Variants in NKAIN2 observed in about 807,000 individuals in gnomAD.
The protein encoded by NKAIN2 is sodium/potassium transporting ATPase interacting 2.
A neutral mutation model predicts 32.6 loss-of-function variants in NKAIN2; 14 were observed. That is an observed-to-expected ratio of 0.43 (90% CI 0.28 to 0.67). NKAIN2 has a LOEUF of 0.67. Among genes scored for constraint, NKAIN2 ranks in the 30% least tolerant of loss-of-function variants. The pLI is 0.17. For missense variants in NKAIN2, 198 were observed against 258.3 expected (o/e 0.77, Z 1.60); for synonymous variants, 80 against 87.2 (o/e 0.92, Z 0.46).
At chr6:124,151,811 G>T (rs1040258833) in intron 1 of NKAIN2, among the ~76,000 whole-genome samples, 4 of 151,850 alleles carry the variant, frequency 2.6e-5, no homozygotes, top group Admixed American at 6.6e-5. Flanking sequence ...TGAAGTACTT[G>T]TACAAAATTT....
chr6:124,667,816 A>G (rs183961686), intron 4 of NKAIN2, among the ~76,000 whole-genome samples: 62 of 152,252 alleles, frequency 4.1e-4, no homozygotes, highest in African/African-American at 1.5e-3. Context: ...AAAAGAATTT[A>G]AAATATGGGC....
chr6:124,469,473 ACT>A (rs767235457), intron 3 of NKAIN2, among the ~76,000 whole-genome samples: 4 of 152,076 alleles, frequency 2.6e-5, no homozygotes, highest in Non-Finnish European at 5.9e-5. Flanking sequence ...AATGAAAAAT[ACT>A]CTCTCTGTTT....
intron 4 of NKAIN2, among the ~76,000 whole-genome samples, chr6:124,757,037 A>C (rs1337871): frequency 0.6 from 90,471 of 151,842 alleles, 28,203 homozygotes; most frequent in Non-Finnish European, 0.71. Flanking sequence ...CTGTAGGAAG[A>C]AAGTTTTAGT....
chr6:124,672,436 T>G (rs1773153420), intron 4 of NKAIN2, among the ~76,000 whole-genome samples: 1 of 152,116 alleles, frequency 6.6e-6, no homozygotes, highest in Non-Finnish European at 1.5e-5. Flanking sequence ...TTTGGAATCT[T>G]TGTCCATCAG....
At chr6:124,253,831 C>CTTTT (rs774924597) in intron 1 of NKAIN2, among the ~76,000 whole-genome samples, 1 of 134,142 alleles carries the variant, frequency 7.5e-6, no homozygotes, top group East Asian at 2.2e-4. Flanking sequence ...CAATGTTCTA[C>CTTTT]TTTTTTTTTT....
chr6:124,052,896 A>G (rs952746634), intron 1 of NKAIN2, among the ~76,000 whole-genome samples: 3 of 151,992 alleles, frequency 2.0e-5, no homozygotes, highest in Admixed American at 1.3e-4. Flanking sequence ...TGTAGGAAAT[A>G]GAAAAGGATA....
At chr6:123,917,089 T>C (rs373337647) in intron 1 of NKAIN2, among the ~76,000 whole-genome samples, 1 of 152,194 alleles carries the variant, frequency 6.6e-6, no homozygotes, top group Non-Finnish European at 1.5e-5. Context: ...GCTTTTGTTT[T>C]TCCTTTGACT....
chr6:124,614,272 T>C (rs1172811409), intron 3 of NKAIN2, among the ~76,000 whole-genome samples: 1 of 152,128 alleles, frequency 6.6e-6, no homozygotes, highest in African/African-American at 2.4e-5. Flanking sequence ...CACGTGCCTG[T>C]AATCCTAGCT....
chr6:124,461,846 T>C (rs888287033), intron 3 of NKAIN2, among the ~76,000 whole-genome samples: 1 of 151,824 alleles, frequency 6.6e-6, no homozygotes, highest in Non-Finnish European at 1.5e-5. Context: ...TTTAGACTTT[T>C]GTGAATTCCT....
chr6:124,752,767 C>T (rs1199376765), intron 4 of NKAIN2, among the ~76,000 whole-genome samples: 1 of 151,908 alleles, frequency 6.6e-6, no homozygotes, highest in African/African-American at 2.4e-5. Context: ...AGTATGCATC[C>T]AATGTAGGAA....
At chr6:124,010,934 C>T (rs555194134) in intron 1 of NKAIN2, among the ~76,000 whole-genome samples, 1 of 151,882 alleles carries the variant, frequency 6.6e-6, no homozygotes. Flanking sequence ...TTTCTCTTTA[C>T]CCTTATATCA....
rs143212576 is a variant in NKAIN2 at position 124,009,197 on chromosome 6, C to T, written c.54+204943C>T. ...TCATACTCTACTTTCATTAGGAGGG[C>T]TGTCTCTCTCTCTGTTTGGTCTCTC... On this transcript the variant is annotated intron_variant, in intron 1 of 6. Coordinates refer to ENST00000368417, the MANE Select transcript of NKAIN2 (RefSeq NM_001040214.3). 9.9e-5 allele frequency among the ~76,000 whole-genome samples: 15 copies of T among 152,158 alleles called. No homozygotes were observed. In the East Asian group the frequency reaches 2.9e-3, roughly 30 times the overall value.
chr6:123,956,177 G>A (rs1296232177), intron 1 of NKAIN2, among the ~76,000 whole-genome samples: 2 of 151,992 alleles, frequency 1.3e-5, no homozygotes, highest in Non-Finnish European at 2.9e-5. Context: ...TGGGAGAATA[G>A]AAGGAAAAAA....
chr6:124,172,188 T>C (rs1369057567), intron 1 of NKAIN2, among the ~76,000 whole-genome samples: 1 of 152,240 alleles, frequency 6.6e-6, no homozygotes, highest in African/African-American at 2.4e-5. Flanking sequence ...TTTAACTTTT[T>C]AATTCTTCTT....
At chr6:124,047,552 T>C (rs981706217) in intron 1 of NKAIN2, among the ~76,000 whole-genome samples, 2 of 151,952 alleles carry the variant, frequency 1.3e-5, no homozygotes, top group African/African-American at 4.8e-5. Flanking sequence ...AGGAGATAGA[T>C]AGGGCTTCCT....
chr6:123,850,574 C>G lies in NKAIN2; in HGVS notation c.54+46320C>G, dbSNP rs139151288. 4.7e-3 allele frequency among the ~76,000 whole-genome samples: 715 copies of G among 152,188 alleles called. 4 individuals carry two copies. The highest frequency in any genetic ancestry group is 0.015 in the Admixed American group (234 of 15,280). On this transcript the variant is annotated intron_variant, in intron 1 of 6. Transcript: ENST00000368417. ...AGAAGGTCTTCTTTACCAGAGTTCACTTCTAACTTTGTTTCACTTTGTAAT... is the reference window on the plus strand; with the variant it reads ...AGAAGGTCTTCTTTACCAGAGTTCAGTTCTAACTTTGTTTCACTTTGTAAT...
At chr6:124,674,991 G>A (rs1773285241) in intron 4 of NKAIN2, among the ~76,000 whole-genome samples, 1 of 151,864 alleles carries the variant, frequency 6.6e-6, no homozygotes, top group Non-Finnish European at 1.5e-5. Context: ...AGCTGTGAGT[G>A]AGCTTTTCAT....
chr6:124,546,569 TTA>T (rs200441436), intron 3 of NKAIN2, among the ~76,000 whole-genome samples: 3 of 151,152 alleles, frequency 2.0e-5, no homozygotes, highest in African/African-American at 2.4e-5. Context: ...AAAAATAGAT[TTA>T]TATATATATA....
intron 3 of NKAIN2, among the ~76,000 whole-genome samples, chr6:124,452,538 C>A (rs1451028391): frequency 6.6e-6 from 1 of 151,820 alleles, no homozygotes; most frequent in Non-Finnish European, 1.5e-5. Flanking sequence ...AATATGTAAC[C>A]TTTTTACTGA....
Sources: gnomAD v4.1 joint callset for allele counts (sites outside exome capture counted in the v4.1 genomes callset) on GRCh38, gnomAD v4.1.1 for gene constraint, MANE v1.5 for transcripts, NCBI Gene and HGNC (gene_info 2026-07-23, HGNC 2026-07-21) for gene names.